MICU2: variants seen among roughly 807,000 people sequenced by gnomAD.
The protein encoded by MICU2 is calcium uptake protein 2, mitochondrial.
In MICU2, 64 loss-of-function variants were observed where a neutral mutation model predicts 60.4. That is an observed-to-expected ratio of 1.06 (90% CI 0.87 to 1.31). The LOEUF is 1.31. MICU2 is among the 50% of genes most tolerant of loss of function. MICU2 has a pLI of 0.00. For synonymous variants in MICU2, 201 were observed against 175.0 expected, an observed-to-expected ratio of 1.15 and a Z score of -1.17; for missense variants, 569 against 531.0, an observed-to-expected ratio of 1.07 and a Z score of -0.70.
intron 4 of MICU2, among the ~76,000 whole-genome samples, chr13:21,524,701 A>C (rs1202071359): frequency 1.3e-5 from 2 of 152,214 alleles, no homozygotes; most frequent in Non-Finnish European, 2.9e-5. Context: ...GCTGTTGTAC[A>C]ACCGTCATTA....
chr13:21,525,463 C>T (rs1034187948), intron 4 of MICU2, among the ~76,000 whole-genome samples: 4 of 151,812 alleles, frequency 2.6e-5, no homozygotes, highest in Non-Finnish European at 5.9e-5. Flanking sequence ...AGTGCTGGGA[C>T]TACAGGCGTG....
At position 21,515,414 on chromosome 13, in the gene MICU2, CAT is replaced by C. The variant is rs1237011916; in HGVS notation, c.598-998_598-997del. ...TTAAAAAAGCTATTTATATCATACA[CAT>C]AGTCTTCCTTTTCCCTTTATGCATT... On this transcript the variant is annotated intron_variant, in intron 6 of 11. Transcript: ENST00000382374. 2.6e-5 allele frequency: 7 copies of C among 270,864 alleles called. No individual in the cohort carries two copies. In the East Asian group the frequency reaches 3.4e-4, roughly 13 times the overall value. 16.8% of individuals were successfully genotyped at this position (270,864 alleles called of 1,614,324 possible). A position where few individuals can be genotyped will look rare whatever the true frequency, so the allele number is the denominator to read the frequency against.
rs562293512 is a variant in MICU2 at position 21,560,244 on chromosome 13, T to C, written c.358+6553A>G. 4.5e-4 allele frequency among the ~76,000 whole-genome samples: 69 copies of C among 152,322 alleles called. 1 individual carries two copies. The highest frequency in any genetic ancestry group is 1.2e-3 in the South Asian group (6 of 4,834). On this transcript the variant is annotated intron_variant, in intron 2 of 11. Transcript: ENST00000382374. ...TTGTGGCTTATTTAAGGAAGATTTC[T>C]TTAACCTAAGGAGACAGATTTTAAA... is the stretch of plus-strand genomic sequence containing the variant.
chr13:21,517,813 GCA>G lies in MICU2; in HGVS notation c.598-3397_598-3396del, dbSNP rs1404477123. ...CACACACACACACGCGCGCGCGCGC[GCA>G]CACGCGCTACATACTTAGGTTTACT... is the stretch of plus-strand genomic sequence containing the variant. On this transcript the variant is annotated intron_variant, in intron 6 of 11. Transcript: ENST00000382374. 3.7e-4 allele frequency among the ~76,000 whole-genome samples: 53 copies of G among 142,250 alleles called. No individual in the cohort carries two copies. The South Asian group carries it at 4.3e-3, about 12-fold the overall frequency. The allele number at this position is 142,250 out of a possible 152,430, so 93.3% of individuals were successfully genotyped here. A position where few individuals can be genotyped will look rare whatever the true frequency, so the allele number is the denominator to read the frequency against.
At chr13:21,530,258 T>C (rs952363762) in intron 4 of MICU2, among the ~76,000 whole-genome samples, 12 of 152,230 alleles carry the variant, frequency 7.9e-5, no homozygotes, top group Non-Finnish European at 1.8e-4. Context: ...ATGCTATGTA[T>C]ATTCTCTATC....
intron 1 of MICU2, among the ~76,000 whole-genome samples, chr13:21,573,773 A>C (rs751364098): frequency 1.7e-4 from 26 of 152,154 alleles, no homozygotes; most frequent in Non-Finnish European, 3.1e-4. Flanking sequence ...ATTAGACATA[A>C]TTAAGATTAT....
intron 5 of MICU2, 131 bp downstream of exon 5, chr13:21,522,472 T>G (rs1359190): frequency 0.38 from 243,466 of 643,398 alleles, 48,278 homozygotes; most frequent in South Asian, 0.41. Flanking sequence ...CATTATCATT[T>G]TGCAGATATA....
chr13:21,572,920 A>G (rs979687689), intron 1 of MICU2, among the ~76,000 whole-genome samples: 1 of 141,438 alleles, frequency 7.1e-6, no homozygotes, highest in African/African-American at 2.6e-5. Flanking sequence ...AATACATTTT[A>G]GCTGTTGTTA....
intron 2 of MICU2, among the ~76,000 whole-genome samples, chr13:21,546,181 T>C (rs986994825): frequency 2.0e-5 from 3 of 152,184 alleles, no homozygotes; most frequent in Non-Finnish European, 4.4e-5. Flanking sequence ...TCTCTGGTTG[T>C]ATTTTTTCTA....
chr13:21,556,384 T>G (rs1295620784), intron 2 of MICU2, among the ~76,000 whole-genome samples: 1 of 152,200 alleles, frequency 6.6e-6, no homozygotes, highest in African/African-American at 2.4e-5. Flanking sequence ...TCCTTATCTC[T>G]TCACCTCCAA....
intron 4 of MICU2, among the ~76,000 whole-genome samples, chr13:21,523,862 C>T (rs1383360597): frequency 6.6e-6 from 1 of 152,120 alleles, no homozygotes; most frequent in Non-Finnish European, 1.5e-5. Context: ...ATGTTATTCT[C>T]AGGAATGTGA....
rs557826083 is a variant in MICU2, at chr13:21,495,035, T to C, written c.1200+126A>G. On this transcript the variant is annotated intron_variant, in intron 11 of 11. Coordinates refer to ENST00000382374, the MANE Select transcript of MICU2 (RefSeq NM_152726.3). ...TATAAAATATATTTCTGTATTTCAA[T>C]TACAGCTTATAGTCTTTTTATAAGT... The C allele has an allele frequency of 5.5e-5, 33 of 602,108 alleles. No homozygotes were observed. In the African/African-American group the frequency reaches 5.8e-4, roughly 11 times the overall value. The allele number at this position is 602,108 out of a possible 1,614,324, so 37.3% of individuals were successfully genotyped here.
At chr13:21,544,168 G>T (rs929874820) in intron 2 of MICU2, among the ~76,000 whole-genome samples, 7 of 152,030 alleles carry the variant, frequency 4.6e-5, no homozygotes, top group Non-Finnish European at 1.0e-4. Context: ...AACTCAAAAT[G>T]GATCAAAGAC....
At chr13:21,496,201 T>A in intron 9 of MICU2, 41 bp from the exon 10 acceptor site, 2 of 1,380,210 alleles carry the variant, frequency 1.4e-6, no homozygotes, top group Non-Finnish European at 2.0e-6. Flanking sequence ...TGTAAGTACA[T>A]TAAATAATCT....
At chr13:21,537,557 C>T (rs998435880) in intron 4 of MICU2, among the ~76,000 whole-genome samples, 1 of 151,700 alleles carries the variant, frequency 6.6e-6, no homozygotes, top group Non-Finnish European at 1.5e-5. Context: ...GCAACCTCTG[C>T]CTCCCAGGTT....
chr13:21,549,164 C>T (rs1240301444), intron 2 of MICU2, among the ~76,000 whole-genome samples: 7 of 151,948 alleles, frequency 4.6e-5, no homozygotes, highest in African/African-American at 1.4e-4. Context: ...CTCCTGACCT[C>T]GTGATCCGCC....
chr13:21,528,979 A>C (rs1002897173), intron 4 of MICU2, among the ~76,000 whole-genome samples: 3 of 152,064 alleles, frequency 2.0e-5, no homozygotes, highest in Non-Finnish European at 2.9e-5. Flanking sequence ...GCGTAAAAAG[A>C]CGTGGCACAC....
At position 21,493,307 on chromosome 13, in the gene MICU2, T is replaced by G; in HGVS notation, c.1247A>C (p.Lys416Thr). 6.2e-7 allele frequency: 1 copy of G among 1,611,268 alleles called. No homozygotes were observed. Among genetic ancestry groups the G allele is most frequent in the Non-Finnish European group, 8.5e-7 (1 of 1,178,974 alleles). Residue 416 changes from lysine (K) to threonine (T), a missense_variant, in exon 12 of 12, where the codon AAA (lysine) becomes ACA (threonine). Lys to Thr is a moderately conservative substitution (Grantham distance 78). Transcript: ENST00000382374. ...TTCTTTTACTCCTTTAATGCTTTCTTTCTTCACACACTTCCAGTATTCTTG... is the reference window on the plus strand; with the variant it reads ...TTCTTTTACTCCTTTAATGCTTTCTGTCTTCACACACTTCCAGTATTCTTG... The part of the protein sequence containing the change: ...SIQEYWKCVK[K>T]ESIKGVKEVW...
chr13:21,562,274 G>A lies in MICU2; in HGVS notation c.358+4523C>T, dbSNP rs571013073. On this transcript the variant is annotated intron_variant, in intron 2 of 11. Transcript: ENST00000382374. Reference sequence around the variant, plus strand: ...ATGGTATTTCTAGTTCTAGATCTCTGAGGAGTCGCCACACTGACTTCCACA... The same window carrying A: ...ATGGTATTTCTAGTTCTAGATCTCTAAGGAGTCGCCACACTGACTTCCACA... Among the ~76,000 whole-genome samples the A allele has an allele frequency of 7.9e-5, 12 of 152,232 alleles. No homozygotes were observed. The East Asian group carries it at 2.1e-3, about 27-fold the overall frequency.
Sources: gnomAD v4.1 joint callset for allele counts (sites outside exome capture counted in the v4.1 genomes callset) on GRCh38, gnomAD v4.1.1 for gene constraint, MANE v1.5 for transcripts, NCBI Gene and HGNC (gene_info 2026-07-23, HGNC 2026-07-21) for gene names.